The following CDK19 variants were observed in gnomAD, a reference collection of about 807,000 sequenced individuals.
CDK19 encodes cyclin dependent kinase 19, also known as cyclin-dependent kinase 19.
CDK19 carries 20 observed loss-of-function variants against 68.3 expected under a neutral mutation model. The ratio of observed to expected loss-of-function variants is 0.29; its 90% confidence interval spans 0.21 to 0.43. CDK19 has a LOEUF of 0.43. CDK19 is among the 20% of genes least tolerant of loss of function. The probability of loss-of-function intolerance (pLI) is 1.00; values close to 1 mark genes in which losing one functional copy is unlikely to be tolerated. For missense variants in CDK19, 339 were observed against 623.5 expected, an observed-to-expected ratio of 0.54 and a Z score of 4.86; for synonymous variants, 221 against 222.8, an observed-to-expected ratio of 0.99 and a Z score of 0.07.
intron 1 of CDK19, among the ~76,000 whole-genome samples, chr6:110,750,334 AAACTAGG>A (rs1778390915): frequency 1.2e-4 from 13 of 108,834 alleles, no homozygotes; most frequent in Non-Finnish European, 2.1e-4. Context: ...AGTGATGAAG[AAACTAGG>A]CCAGCAGCCA....
intron 8 of CDK19, among the ~76,000 whole-genome samples, chr6:110,625,236 CT>C (rs1265063337): frequency 6.6e-6 from 1 of 152,140 alleles, no homozygotes; most frequent in Non-Finnish European, 1.5e-5. Flanking sequence ...GACTCAGAAT[CT>C]ACATTTTTAA....
At chr6:110,798,534 A>C (rs1404262215) in intron 1 of CDK19, among the ~76,000 whole-genome samples, 1 of 150,496 alleles carries the variant, frequency 6.6e-6, no homozygotes, top group East Asian at 2.0e-4. Flanking sequence ...TGAGGGCAAG[A>C]GAATCCCTTG....
intron 2 of CDK19, among the ~76,000 whole-genome samples, chr6:110,679,543 C>T (rs1288177951): frequency 1.3e-5 from 2 of 151,912 alleles, no homozygotes; most frequent in South Asian, 2.1e-4. Context: ...ACCTGGGAGG[C>T]GGAGGTTGCA....
At chr6:110,725,538 G>A (rs1411978343) in intron 2 of CDK19, among the ~76,000 whole-genome samples, 3 of 152,078 alleles carry the variant, frequency 2.0e-5, no homozygotes, top group Admixed American at 2.0e-4. Context: ...AAAATCAGTA[G>A]ACAGAGAGAG....
At chr6:110,672,972 G>A (rs1032049892) in intron 2 of CDK19, among the ~76,000 whole-genome samples, 1 of 151,442 alleles carries the variant, frequency 6.6e-6, no homozygotes, top group Non-Finnish European at 1.5e-5. Context: ...GATATACTTA[G>A]TATATTTACT....
chr6:110,674,467 T>C (rs1214154583), intron 2 of CDK19, among the ~76,000 whole-genome samples: 1 of 152,196 alleles, frequency 6.6e-6, no homozygotes, highest in Non-Finnish European at 1.5e-5. Flanking sequence ...AAGTTGTGAA[T>C]GCAAAGAAAA....
At chr6:110,635,036 G>C (rs970880214) in intron 5 of CDK19, among the ~76,000 whole-genome samples, 3 of 152,196 alleles carry the variant, frequency 2.0e-5, no homozygotes, top group African/African-American at 7.2e-5. Flanking sequence ...TTAGCCTAAA[G>C]ATTACTGTAA....
intron 5 of CDK19, among the ~76,000 whole-genome samples, chr6:110,634,401 A>G (rs1053703412): frequency 3.9e-5 from 6 of 152,146 alleles, no homozygotes; most frequent in Non-Finnish European, 5.9e-5. Flanking sequence ...TATTTTTAGT[A>G]GAGATGGGGT....
chr6:110,639,710 C>G (rs769624270), intron 4 of CDK19, among the ~76,000 whole-genome samples: 36 of 152,066 alleles, frequency 2.4e-4, no homozygotes, highest in Middle Eastern at 6.8e-3. Flanking sequence ...TCAATGAAAA[C>G]AAAAAGCACT....
intron 1 of CDK19, among the ~76,000 whole-genome samples, chr6:110,805,234 A>C (rs1782601457): frequency 6.6e-6 from 1 of 152,182 alleles, no homozygotes; most frequent in South Asian, 2.1e-4. Flanking sequence ...ATGGTTCTAG[A>C]TACTACTGGT....
intron 2 of CDK19, among the ~76,000 whole-genome samples, chr6:110,701,477 G>A (rs1478768255): frequency 5.3e-5 from 8 of 151,104 alleles, no homozygotes; most frequent in African/African-American, 1.9e-4. Flanking sequence ...GCGTGAACCC[G>A]GGAAGCAGAG....
At chr6:110,788,137 G>T (rs1376103090) in intron 1 of CDK19, among the ~76,000 whole-genome samples, 1 of 151,364 alleles carries the variant, frequency 6.6e-6, no homozygotes, top group Non-Finnish European at 1.5e-5. Flanking sequence ...ACCACACCTG[G>T]CCTGTTTTTT....
intron 2 of CDK19, among the ~76,000 whole-genome samples, chr6:110,673,609 G>A (rs1771205123): frequency 6.6e-6 from 1 of 152,020 alleles, no homozygotes; most frequent in African/African-American, 2.4e-5. Context: ...CAGCTGGTGG[G>A]TGAGGCAATC....
At chr6:110,795,179 C>T (rs1781857587) in intron 1 of CDK19, among the ~76,000 whole-genome samples, 1 of 152,162 alleles carries the variant, frequency 6.6e-6, no homozygotes, top group African/African-American at 2.4e-5. Context: ...CCTTGTTGCA[C>T]AGGCTAGTCT....
At chr6:110,655,183 T>C (rs548642694) in intron 4 of CDK19, among the ~76,000 whole-genome samples, 46 of 151,904 alleles carry the variant, frequency 3.0e-4, no homozygotes, top group African/African-American at 9.9e-4. Context: ...TTGGCCAACA[T>C]AGTGAAACCC....
At chr6:110,772,370 A>G (rs1282281619) in intron 1 of CDK19, among the ~76,000 whole-genome samples, 1 of 151,976 alleles carries the variant, frequency 6.6e-6, no homozygotes, top group Non-Finnish European at 1.5e-5. Flanking sequence ...AGTAGGGGGG[A>G]AACCGCCCCC....
At chr6:110,769,855 A>G (rs574863128) in intron 1 of CDK19, among the ~76,000 whole-genome samples, 11 of 152,314 alleles carry the variant, frequency 7.2e-5, no homozygotes, top group Admixed American at 6.5e-4. Flanking sequence ...GATTAGCTAA[A>G]CAAATATAAG....
Position 110,614,542 on chromosome 6 carries a change from C to G in CDK19, c.1502G>C (p.Arg501Pro). The G allele has an allele frequency of 2.5e-6, 4 of 1,613,872 alleles. No homozygotes were observed. Among genetic ancestry groups the G allele is most frequent in the Non-Finnish European group, 3.4e-6 (4 of 1,179,876 alleles). ...TGGCCCAACGGGAGCTGGTCAGTAC[C>G]GGTGGGCCTGGTGAGATGGGTGGTA... Reference protein sequence around the residue: ...SQYHPSHQAHRY With the variant: ...SQYHPSHQAHPY The change falls in exon 13 of 13, where the codon CGG becomes CCG. Residue 501 changes from arginine (R) to proline (P), a missense_variant. By Grantham distance (103) the Arg-to-Pro change is moderately radical (BLOSUM62 -2). Coordinates refer to ENST00000368911, the MANE Select transcript of CDK19 (RefSeq NM_015076.5).
chr6:110,657,991 G>GA (rs145434236), intron 4 of CDK19, among the ~76,000 whole-genome samples: 5,958 of 152,186 alleles, frequency 0.039, 164 homozygotes, highest in Non-Finnish European at 0.061. Context: ...CTCAGATGAT[G>GA]AAAAAAACTG....
Sources: allele counts gnomAD v4.1 joint callset (sites outside exome capture counted in the v4.1 genomes callset), GRCh38; gene constraint gnomAD v4.1.1; transcripts MANE v1.5; gene names NCBI Gene and HGNC (gene_info 2026-07-23, HGNC 2026-07-21).